Variants in ARHGAP26 observed in about 807,000 individuals in gnomAD.
ARHGAP26 encodes the protein Rho GTPase activating protein 26.
In ARHGAP26, 38 loss-of-function variants were observed where a neutral mutation model predicts 104.8. The observed-to-expected ratio is 0.36, with a 90% CI of 0.28 to 0.48. The LOEUF (loss-of-function observed/expected upper bound fraction) is 0.48. Ranked by LOEUF, ARHGAP26 falls within the 20% of genes least tolerant of loss-of-function variation. The pLI, the probability that ARHGAP26 is intolerant of heterozygous loss-of-function variation, is 0.99. For missense variants in ARHGAP26, 704 were observed against 947.9 expected (o/e 0.74, Z 3.38); for synonymous variants, 341 against 340.0 (o/e 1.00, Z -0.03).
At chr5:142,894,535 C>A (rs1759189876) in intron 6 of ARHGAP26, among the ~76,000 whole-genome samples, 187 bp downstream of exon 6, 2 of 152,194 alleles carry the variant, frequency 1.3e-5, no homozygotes, top group Admixed American at 1.3e-4. Context: ...CATTCCTGTA[C>A]AACACATAGC....
chr5:142,828,902 C>T (rs952633333), intron 1 of ARHGAP26, among the ~76,000 whole-genome samples: 1 of 152,224 alleles, frequency 6.6e-6, no homozygotes, highest in Non-Finnish European at 1.5e-5. Flanking sequence ...CTTCCTCCAG[C>T]AGCCTGACCC....
At chr5:143,076,777 G>A (rs1023571192) in intron 17 of ARHGAP26, among the ~76,000 whole-genome samples, 6 of 152,086 alleles carry the variant, frequency 3.9e-5, no homozygotes, top group Admixed American at 3.3e-4. Context: ...TTTCAGCTTG[G>A]GGTTTTCATT....
intron 20 of ARHGAP26, among the ~76,000 whole-genome samples, chr5:143,182,389 G>A (rs538373368): frequency 6.6e-5 from 10 of 152,206 alleles, no homozygotes; most frequent in East Asian, 3.9e-4. Context: ...GTTCTTGCCC[G>A]GTATTTCACT....
At chr5:143,201,712 C>T (rs2151315730) in intron 20 of ARHGAP26, among the ~76,000 whole-genome samples, 1 of 152,298 alleles carries the variant, frequency 6.6e-6, no homozygotes, top group African/African-American at 2.4e-5. Context: ...TAGTCATACA[C>T]CCTTAGTTTT....
intron 14 of ARHGAP26, among the ~76,000 whole-genome samples, chr5:143,050,007 T>C (rs1383548875): frequency 1.3e-5 from 2 of 152,162 alleles, no homozygotes; most frequent in Non-Finnish European, 2.9e-5. Flanking sequence ...CAGCTCTGGG[T>C]GCCCCAGAAA....
Position 142,849,155 on chromosome 5 carries a change from G to T in ARHGAP26, c.155-24245G>T, listed in dbSNP as rs62383271. Among the ~76,000 whole-genome samples the T allele has an allele frequency of 5.2e-3, 799 of 152,282 alleles. 1 individual carries two copies. Among genetic ancestry groups the T allele is most frequent in the Middle Eastern group, 0.01 (3 of 294 alleles). On this transcript the variant is annotated intron_variant, in intron 1 of 22. Transcript: ENST00000645722. ...AAGGGCATAAAGGGATGGGAGTCAAGGTCAGCAGTTTTGACAAATGATTTG... is the reference window on the plus strand; with the variant it reads ...AAGGGCATAAAGGGATGGGAGTCAATGTCAGCAGTTTTGACAAATGATTTG...
At chr5:142,771,324 G>C (rs976405461) in intron 1 of ARHGAP26, 89 of 1,232,622 alleles carry the variant, frequency 7.2e-5, no homozygotes, top group Non-Finnish European at 8.6e-5. Flanking sequence ...GTGCCCAACC[G>C]TGAGAATGGA....
At chr5:143,198,536 C>G (rs1807212822) in intron 20 of ARHGAP26, among the ~76,000 whole-genome samples, 1 of 152,182 alleles carries the variant, frequency 6.6e-6, no homozygotes, top group African/African-American at 2.4e-5. Flanking sequence ...CTTTCTGACC[C>G]TTTCCCTTGA....
intron 20 of ARHGAP26, among the ~76,000 whole-genome samples, chr5:143,193,447 C>G (rs1297730160): frequency 1.3e-5 from 2 of 152,104 alleles, no homozygotes; most frequent in Admixed American, 1.3e-4. Flanking sequence ...TGGGGTTTCA[C>G]CATGTTGGCC....
At chr5:142,972,116 AG>A (rs1772376598) in intron 11 of ARHGAP26, among the ~76,000 whole-genome samples, 1 of 151,694 alleles carries the variant, frequency 6.6e-6, no homozygotes, top group Non-Finnish European at 1.5e-5. Flanking sequence ...TGCGAGGCGG[AG>A]GTTGCAGTGA....
chr5:142,772,736 G>C (rs566696160), intron 1 of ARHGAP26: 12 of 533,366 alleles, frequency 2.2e-5, no homozygotes, highest in African/African-American at 1.7e-4. Flanking sequence ...TGGAGTCCCT[G>C]CCAGTGCAGA....
chr5:143,073,228 T>C (rs556451634), intron 17 of ARHGAP26, among the ~76,000 whole-genome samples: 10 of 152,314 alleles, frequency 6.6e-5, no homozygotes, highest in Non-Finnish European at 1.2e-4. Flanking sequence ...GCCTCATTTT[T>C]TAAAAAAGTT....
At chr5:142,924,722 A>G (rs1172522638) in intron 10 of ARHGAP26, among the ~76,000 whole-genome samples, 1 of 152,226 alleles carries the variant, frequency 6.6e-6, no homozygotes, top group Non-Finnish European at 1.5e-5. Flanking sequence ...GGTTTATTAC[A>G]TCAGAGCACG....
chr5:143,170,808 A>G (rs1183757358), intron 20 of ARHGAP26: 4 of 152,126 alleles, frequency 2.6e-5, no homozygotes, highest in East Asian at 1.9e-4. Flanking sequence ...TCTGCGGGCA[A>G]TGGTTGGGTA....
At chr5:142,948,254 G>A (rs1767464757) in intron 11 of ARHGAP26, among the ~76,000 whole-genome samples, 1 of 152,010 alleles carries the variant, frequency 6.6e-6, no homozygotes, top group Admixed American at 6.6e-5. Flanking sequence ...TTAGAGCCCA[G>A]GGATCAGGAA....
chr5:142,813,007 G>A (rs1437825941), intron 1 of ARHGAP26, among the ~76,000 whole-genome samples: 7 of 147,412 alleles, frequency 4.7e-5, no homozygotes, highest in South Asian at 2.1e-4. Flanking sequence ...GCGCGATCTC[G>A]GCTCACTGCA....
intron 12 of ARHGAP26, among the ~76,000 whole-genome samples, chr5:143,021,594 G>A (rs771490321): frequency 9.2e-5 from 14 of 152,232 alleles, no homozygotes; most frequent in Middle Eastern, 3.4e-3. Context: ...TAGCATCCTG[G>A]GTGTAGAACT....
At chr5:142,894,554 T>C (rs1056602484) in intron 6 of ARHGAP26, among the ~76,000 whole-genome samples, 2 of 152,180 alleles carry the variant, frequency 1.3e-5, no homozygotes, top group African/African-American at 4.8e-5. Context: ...GCAATGGAGA[T>C]AGAGCGTCCA....
At chr5:143,049,688 A>C (rs1784721134) in intron 14 of ARHGAP26, among the ~76,000 whole-genome samples, 1 of 152,172 alleles carries the variant, frequency 6.6e-6, no homozygotes, top group Non-Finnish European at 1.5e-5. Flanking sequence ...TTCCTGTTAG[A>C]ATCATTATCT....
Sources: gnomAD v4.1 joint callset for allele counts (sites outside exome capture counted in the v4.1 genomes callset) on GRCh38, gnomAD v4.1.1 for gene constraint, MANE v1.5 for transcripts, NCBI Gene and HGNC (gene_info 2026-07-23, HGNC 2026-07-21) for gene names.